DRP2: variants seen among roughly 807,000 people sequenced by gnomAD.
DRP2 encodes dystrophin related protein 2, also known as dystrophin-related protein 2.
A neutral mutation model predicts 78.2 loss-of-function variants in DRP2; 29 were observed. The observed-to-expected ratio is 0.37, with a 90% CI of 0.28 to 0.51. DRP2 has a LOEUF of 0.51. DRP2 is among the 20% of genes least tolerant of loss of function. The probability of loss-of-function intolerance (pLI) is 0.94; values close to 1 mark genes in which losing one functional copy is unlikely to be tolerated. For synonymous variants in DRP2, 290 were observed against 281.9 expected, an observed-to-expected ratio of 1.03 and a Z score of -0.29; for missense variants, 686 against 770.6, an observed-to-expected ratio of 0.89 and a Z score of 1.30.
At chrX:101,248,331 A>G (rs780543811) in intron 13 of DRP2, 41 bp downstream of exon 13, 3 of 1,175,276 alleles carry the variant, frequency 2.6e-6, no homozygotes, top group African/African-American at 3.5e-5. Flanking sequence ...GATAAAATTC[A>G]ATGGGATATC....
chrX:101,227,321 G>A (rs1252739091), intron 2 of DRP2, among the ~76,000 whole-genome samples: 1 of 111,937 alleles, frequency 8.9e-6, no homozygotes, highest in African/African-American at 3.2e-5. Flanking sequence ...TGGGGACCAA[G>A]TCTGATTCAT....
Position 101,231,625 on chromosome X carries a change from C to A in DRP2, c.-23C>A. ...TAGTTGGTGCACTGCCTATCCTCAT[C>A]CCCCCCATGAGCCTTGGTTTTTATG... On this transcript the variant is annotated 5_prime_UTR_variant, in exon 3 of 24. Transcript: ENST00000395209. 8.7e-7 allele frequency: 1 copy of A among 1,143,189 alleles called. No homozygotes were observed. The highest frequency in any genetic ancestry group is 1.2e-6 in the Non-Finnish European group (1 of 833,737). The allele number at this position is 1,143,189 out of a possible 1,213,427, so 94.2% of individuals were successfully genotyped here.
At chrX:101,238,431 A>G (rs1161849115) in intron 5 of DRP2, among the ~76,000 whole-genome samples, 2 of 105,841 alleles carry the variant, frequency 1.9e-5, no homozygotes, top group African/African-American at 6.8e-5. Flanking sequence ...AAGTTTAAAA[A>G]TAGGCAAAAC....
rs1922883806 is a variant in DRP2, at chrX:101,245,172, G to C, written c.1115+95G>C. 4 of 951,480 alleles carry C rather than the reference G, an allele frequency of 4.2e-6. No homozygotes were observed. The South Asian group carries it at 9.0e-5, about 21-fold the overall frequency. The allele number at this position is 951,480 out of a possible 1,213,427, so 78.4% of individuals were successfully genotyped here. On this transcript the variant is annotated intron_variant, in intron 10 of 23. Coordinates refer to ENST00000395209, the MANE Select transcript of DRP2 (RefSeq NM_001939.3). ...ACCTGTCCTTGTCACTCTGTCTGTT[G>C]GGATTCCTCCATCCAGTTCGGTTTT...
Position 101,260,742 on chromosome X carries a change from T to A in DRP2, c.*121T>A. The stretch of plus-strand genomic sequence containing the variant: ...CCCCACATTCCTCAACTAGTATTAT[T>A]TGGGCTCTGGGCAGCAGCAGGGATC... On this transcript the variant is annotated 3_prime_UTR_variant, in exon 24 of 24. Coordinates refer to ENST00000395209, the MANE Select transcript of DRP2 (RefSeq NM_001939.3). 2.1e-6 allele frequency: 2 copies of A among 961,745 alleles called. No individual in the cohort carries two copies. The highest frequency in any genetic ancestry group is 6.4e-5 in the East Asian group (2 of 31,405). The allele number at this position is 961,745 out of a possible 1,213,427, so 79.3% of individuals were successfully genotyped here. A position where few individuals can be genotyped will look rare whatever the true frequency, so the allele number is the denominator to read the frequency against.
chrX:101,222,128 G>A (rs950919371), intron 1 of DRP2, among the ~76,000 whole-genome samples: 31 of 110,870 alleles, frequency 2.8e-4, no homozygotes, highest in Admixed American at 1.1e-3. Context: ...CTTCTTAACC[G>A]AATTCTCATT....
intron 17 of DRP2, 66 bp downstream of exon 17, chrX:101,252,782 TG>T: frequency 1.1e-6 from 1 of 877,155 alleles, no homozygotes; most frequent in Non-Finnish European, 1.6e-6. Context: ...TGATCCACTT[TG>T]CCCAGCATTG....
intron 3 of DRP2, among the ~76,000 whole-genome samples, chrX:101,235,359 T>C (rs1602915596): frequency 1.8e-5 from 2 of 112,642 alleles, no homozygotes; most frequent in Non-Finnish European, 3.8e-5. Context: ...TAGTTCTCTC[T>C]TGCCAGTCTA....
rs375518741 is a variant in DRP2 at position 101,230,371 on chromosome X, G to A, written c.-63-1214G>A. On this transcript the variant is annotated intron_variant, in intron 2 of 23. Transcript: ENST00000395209. ...GAAACCCCATCTCTACTAAAAATAC[G>A]AAAAATTAGTGGGGCATGGTGGCAG... Among the ~76,000 whole-genome samples, 81 of 109,896 alleles carry A rather than the reference G, an allele frequency of 7.4e-4. 1 individual carries two copies. The highest frequency in any genetic ancestry group is 2.4e-3 in the African/African-American group (73 of 30,219).
At chrX:101,240,879 G>A (rs1922697742) in intron 6 of DRP2, among the ~76,000 whole-genome samples, 1 of 112,003 alleles carries the variant, frequency 8.9e-6, no homozygotes, top group African/African-American at 3.3e-5. Context: ...CTGGGGCTAT[G>A]GGGCTCTGGA....
rs373599377 is a variant in DRP2, at chrX:101,248,523, C to T, written c.1464C>T (p.Ser488=). 18 of 1,209,579 alleles carry T rather than the reference C, an allele frequency of 1.5e-5. No homozygotes were observed. The highest frequency in any genetic ancestry group is 3.0e-5 in the East Asian group (1 of 33,791). The change falls in exon 14 of 24, where the codon AGC becomes AGT. Residue 488 remains serine (S), a synonymous_variant. Transcript: ENST00000395209. ...WLLNVFDSGR[S]GKMRALSFKT... Reference sequence around the variant, plus strand: ...TTCTTTTTAAACCTAGTGGTCGCAGCGGAAAGATGCGGGCATTGTCTTTTA... The same window carrying T: ...TTCTTTTTAAACCTAGTGGTCGCAGTGGAAAGATGCGGGCATTGTCTTTTA...
At chrX:101,241,473 T>TA (rs1485493767) in intron 6 of DRP2, among the ~76,000 whole-genome samples, 195 bp from the exon 7 acceptor site, 41 of 111,074 alleles carry the variant, frequency 3.7e-4, no homozygotes, top group Middle Eastern at 4.6e-3. Flanking sequence ...CAGTTTTTTT[T>TA]TAAAAAAAAC....
rs1923616561 is a variant in DRP2 at position 101,262,988 on chromosome X, G to T, written c.*2367G>T. 8.9e-6 allele frequency: 1 copy of T among 111,945 alleles called. No individual in the cohort carries two copies. The highest frequency in any genetic ancestry group is 3.3e-5 in the African/African-American group (1 of 30,739). 9.2% of individuals were successfully genotyped at this position (111,945 alleles called of 1,213,427 possible). ...GGGCTGCTGAGGGCCTGTGGCAACT[G>T]CAGTGGGCCAGGCATGGTAGAAAAG... On this transcript the variant is annotated 3_prime_UTR_variant, in exon 24 of 24. Transcript: ENST00000395209.
rs1167730116 is a variant in DRP2, at chrX:101,224,191, G to GTTTTTTTTTTTTT, written c.-166-395_-166-383dup. 2.1e-3 allele frequency among the ~76,000 whole-genome samples: 81 copies of GTTTTTTTTTTTTT among 38,857 alleles called. 3 individuals carry two copies. Among genetic ancestry groups the GTTTTTTTTTTTTT allele is most frequent in the African/African-American group, 3.2e-3 (25 of 7,894 alleles). 33.7% of individuals were successfully genotyped at this position (38,857 alleles called of 115,157 possible). A position where few individuals can be genotyped will look rare whatever the true frequency, so the allele number is the denominator to read the frequency against. On this transcript the variant is annotated intron_variant, in intron 1 of 23. Transcript: ENST00000395209. ...AATAAATGTTTGCTGGGTTTTTTTT[G>GTTTTTTTTTTTTT]TTTTTTTTTTTTTTTTTTTTTTTTT...
Position 101,237,589 on chromosome X carries a change from A to G in DRP2, c.282-30A>G, listed in dbSNP as rs200767635. 596 of 1,039,069 alleles carry G rather than the reference A, an allele frequency of 5.7e-4. 1 individual carries two copies. Among genetic ancestry groups the G allele is most frequent in the Non-Finnish European group, 6.8e-4 (541 of 800,943 alleles). The allele number at this position is 1,039,069 out of a possible 1,213,427, so 85.6% of individuals were successfully genotyped here. On this transcript the variant is annotated intron_variant, in intron 4 of 23. Transcript: ENST00000395209. ...GTTTTGCCACTTAAAAAGAAGACTGAACATCACTGGTTTTACTCATTGTGT... is the reference window on the plus strand; with the variant it reads ...GTTTTGCCACTTAAAAAGAAGACTGGACATCACTGGTTTTACTCATTGTGT...
chrX:101,222,251 C>T (rs1157285662), intron 1 of DRP2, among the ~76,000 whole-genome samples: 2 of 111,473 alleles, frequency 1.8e-5, no homozygotes, highest in Non-Finnish European at 3.8e-5. Context: ...GACCAGGGAA[C>T]ACTTTTCTGT....
At chrX:101,230,600 C>T (rs1183798707) in intron 2 of DRP2, among the ~76,000 whole-genome samples, 1 of 111,115 alleles carries the variant, frequency 9.0e-6, no homozygotes, top group Non-Finnish European at 1.9e-5. Flanking sequence ...TCTTCAGTGC[C>T]TCCCCATTGT....
chrX:101,227,928 A>G (rs1922175327), intron 2 of DRP2, among the ~76,000 whole-genome samples: 1 of 112,368 alleles, frequency 8.9e-6, no homozygotes, highest in East Asian at 2.8e-4. Flanking sequence ...AAAGAGAAGA[A>G]AAGAGATAGT....
chrX:101,250,862 A>G, intron 15 of DRP2, 55 bp from the exon 16 acceptor site: 4 of 1,183,053 alleles, frequency 3.4e-6, no homozygotes, highest in Non-Finnish European at 4.6e-6. Context: ...CTGCCATTCT[A>G]GGGATAAGAC....
Sources: allele counts gnomAD v4.1 joint callset (sites outside exome capture counted in the v4.1 genomes callset), GRCh38; gene constraint gnomAD v4.1.1; transcripts MANE v1.5; gene names NCBI Gene and HGNC (gene_info 2026-07-23, HGNC 2026-07-21).